Variants in PTCHD4 observed in about 807,000 individuals in gnomAD.
PTCHD4 encodes patched domain containing 4, also known as patched domain-containing protein 4.
Under a neutral mutation model 58.1 loss-of-function variants are expected in PTCHD4, and 33 were observed. The ratio of observed to expected loss-of-function variants is 0.57; its 90% CI spans 0.43 to 0.76. PTCHD4 has a LOEUF of 0.76. Ranked by LOEUF, PTCHD4 falls within the 30% of genes least tolerant of loss-of-function variation. The pLI is 0.00. For missense variants in PTCHD4, 1,058 were observed against 1,027.1 expected (o/e 1.03, Z -0.41); for synonymous variants, 478 against 409.6 (o/e 1.17, Z -2.02).
chr6:47,887,074 A>C (rs1016850783), intron 4 of PTCHD4, among the ~76,000 whole-genome samples: 2 of 152,136 alleles, frequency 1.3e-5, no homozygotes, highest in African/African-American at 4.8e-5. Flanking sequence ...TGCTCAATAA[A>C]TGTTTTTAAA....
chr6:48,058,447 C>T (rs553155424), intron 3 of PTCHD4, among the ~76,000 whole-genome samples: 66 of 152,224 alleles, frequency 4.3e-4, no homozygotes, highest in African/African-American at 1.5e-3. Context: ...GACCGAGACA[C>T]TGAGTCTGAG....
intron 4 of PTCHD4, among the ~76,000 whole-genome samples, chr6:47,916,511 G>A (rs1358505183): frequency 1.3e-5 from 2 of 152,026 alleles, no homozygotes; most frequent in Non-Finnish European, 2.9e-5. Flanking sequence ...AGTCGATTAG[G>A]AAAATCTGCC....
At chr6:48,024,735 C>T (rs1204483217) in intron 3 of PTCHD4, among the ~76,000 whole-genome samples, 1 of 152,034 alleles carries the variant, frequency 6.6e-6, no homozygotes, top group Non-Finnish European at 1.5e-5. Context: ...GTGCCTGAAG[C>T]TTTGTGGCGT....
Position 47,870,906 on chromosome 6 carries a change from C to T in PTCHD4, c.*7397G>A, listed in dbSNP as rs1455380986. Among the ~76,000 whole-genome samples, 1 of 151,390 alleles carries T rather than the reference C, an allele frequency of 6.6e-6. No individual in the cohort carries two copies. On this transcript the variant is annotated 3_prime_UTR_variant, in exon 5 of 5. Coordinates refer to ENST00000339488, the MANE Select transcript of PTCHD4 (RefSeq NM_001384253.1). ...GGCTGTTTTCATGAATGGGATGAAC[C>T]TATATGTAATAGAGTATTTTAGAAG...
chr6:47,899,659 T>A, intron 4 of PTCHD4: 1 of 648,160 alleles, frequency 1.5e-6, no homozygotes, highest in Non-Finnish European at 1.9e-6. Flanking sequence ...ATTCATTGAT[T>A]AAAAGTGTAC....
intron 3 of PTCHD4, among the ~76,000 whole-genome samples, chr6:48,046,880 A>G (rs554030419): frequency 6.1e-4 from 93 of 151,900 alleles, no homozygotes; most frequent in Non-Finnish European, 1.0e-3. Flanking sequence ...TTAAGAAGCT[A>G]TAAGTAGATC....
intron 1 of PTCHD4, among the ~76,000 whole-genome samples, chr6:48,070,145 G>GTA (rs1562038924): frequency 6.8e-6 from 1 of 147,994 alleles, no homozygotes; most frequent in Admixed American, 6.9e-5. Context: ...GTGTGTGTGT[G>GTA]TGTGTGTGTG....
intron 4 of PTCHD4, among the ~76,000 whole-genome samples, chr6:47,951,935 G>A (rs983010886): frequency 7.2e-5 from 11 of 152,030 alleles, no homozygotes; most frequent in Non-Finnish European, 1.5e-4. Flanking sequence ...AAGTTCTAGA[G>A]TAGAAAATAC....
At position 47,860,576 on chromosome 6, in the gene PTCHD4, T is replaced by C. The variant is rs1228205324; in HGVS notation, c.*17727A>G. Among the ~76,000 whole-genome samples the C allele has an allele frequency of 6.6e-6, 1 of 152,050 alleles. No homozygotes were observed. The highest frequency in any genetic ancestry group is 6.6e-5 in the Admixed American group (1 of 15,252). On this transcript the variant is annotated 3_prime_UTR_variant, in exon 5 of 5. Coordinates refer to ENST00000339488, the MANE Select transcript of PTCHD4 (RefSeq NM_001384253.1). Reference sequence around the variant, plus strand: ...CCTCATCCATGCAGCCTTCTTTCTTTCTTTACATTAGCACTACTGCCCATT... The same window carrying C: ...CCTCATCCATGCAGCCTTCTTTCTTCCTTTACATTAGCACTACTGCCCATT...
chr6:47,904,335 G>C (rs934113484), intron 4 of PTCHD4, among the ~76,000 whole-genome samples: 2 of 152,198 alleles, frequency 1.3e-5, no homozygotes, highest in South Asian at 2.1e-4. Context: ...TGGCAAACTA[G>C]AGCCTGTGGG....
chr6:47,931,504 C>A (rs192253258), intron 4 of PTCHD4, among the ~76,000 whole-genome samples: 45 of 152,204 alleles, frequency 3.0e-4, no homozygotes, highest in Admixed American at 1.8e-3. Context: ...AATAAAGGAG[C>A]ACATTTGTAG....
chr6:47,931,431 T>C (rs1369756463), intron 4 of PTCHD4, among the ~76,000 whole-genome samples: 2 of 152,174 alleles, frequency 1.3e-5, no homozygotes, highest in Non-Finnish European at 2.9e-5. Flanking sequence ...CACAGCATTG[T>C]GAACGCACAT....
In PTCHD4 at chr6:47,860,131, C is replaced by T. The variant is rs1455772464; in HGVS notation, c.*18172G>A. 6.6e-6 allele frequency among the ~76,000 whole-genome samples: 1 copy of T among 151,958 alleles called. No individual in the cohort carries two copies. The highest frequency in any genetic ancestry group is 1.5e-5 in the Non-Finnish European group (1 of 67,952). Reference sequence around the variant, plus strand: ...CTTTAATGCCAATAGTTCCCTATACCCAGATTCTCTTAACTCTAAAGTATG... The same window carrying T: ...CTTTAATGCCAATAGTTCCCTATACTCAGATTCTCTTAACTCTAAAGTATG... On this transcript the variant is annotated 3_prime_UTR_variant, in exon 5 of 5. Transcript: ENST00000339488.
intron 3 of PTCHD4, among the ~76,000 whole-genome samples, chr6:48,024,591 C>A (rs1046030313): frequency 3.3e-5 from 5 of 152,162 alleles, no homozygotes; most frequent in African/African-American, 1.2e-4. Flanking sequence ...ACAGAATTTA[C>A]CCTCCTTCAC....
chr6:48,014,014 G>T (rs1762783658), intron 3 of PTCHD4, among the ~76,000 whole-genome samples: 1 of 152,036 alleles, frequency 6.6e-6, no homozygotes, highest in South Asian at 2.1e-4. Flanking sequence ...CTCTGTTGAA[G>T]TTGTCTAATT....
Position 47,865,597 on chromosome 6 carries a change from A to T in PTCHD4, c.*12706T>A, listed in dbSNP as rs967415731. ...TGGGTGTTCAGGCCATCTTACAGAT[A>T]TAAGTTTTGTGAATTGTATTTATTT... is the stretch of plus-strand genomic sequence containing the variant. On this transcript the variant is annotated 3_prime_UTR_variant, in exon 5 of 5. Transcript: ENST00000339488. 6.6e-6 allele frequency among the ~76,000 whole-genome samples: 1 copy of T among 151,998 alleles called. No individual in the cohort carries two copies. The highest frequency in any genetic ancestry group is 1.9e-4 in the East Asian group (1 of 5,140).
chr6:48,091,735 T>C (rs1350205393), intron 1 of PTCHD4, among the ~76,000 whole-genome samples: 1 of 148,904 alleles, frequency 6.7e-6, no homozygotes, highest in African/African-American at 2.5e-5. Context: ...CAATCTCCAC[T>C]CCTGGGTTCA....
At chr6:48,056,753 T>A (rs949626981) in intron 3 of PTCHD4, among the ~76,000 whole-genome samples, 4 of 152,186 alleles carry the variant, frequency 2.6e-5, no homozygotes, top group African/African-American at 7.2e-5. Context: ...TTCAGTAGTC[T>A]CCTCTAGGCC....
chr6:47,902,920 C>A (rs980844772), intron 4 of PTCHD4, among the ~76,000 whole-genome samples: 1 of 152,156 alleles, frequency 6.6e-6, no homozygotes, highest in African/African-American at 2.4e-5. Context: ...GCGCTTTTGG[C>A]ATTATGATGA....
Sources: gnomAD v4.1 joint callset for allele counts (sites outside exome capture counted in the v4.1 genomes callset) on GRCh38, gnomAD v4.1.1 for gene constraint, MANE v1.5 for transcripts, NCBI Gene and HGNC (gene_info 2026-07-23, HGNC 2026-07-21) for gene names.